ADGRL2: variants seen among roughly 807,000 people sequenced by gnomAD.
The protein encoded by ADGRL2 is adhesion G protein-coupled receptor L2, also known as calcium-independent alpha-latrotoxin receptor 2.
A neutral mutation model predicts 157.4 loss-of-function variants in ADGRL2; 44 were observed. That is an observed-to-expected ratio of 0.28 (90% CI 0.22 to 0.36). The LOEUF (loss-of-function observed/expected upper bound fraction) is 0.36, where lower values mean the gene tolerates loss of function less well. ADGRL2 is among the 10% of genes least tolerant of loss of function. The probability of loss-of-function intolerance (pLI) is 1.00; values close to 1 mark genes in which losing one functional copy is unlikely to be tolerated. For synonymous variants in ADGRL2, 585 were observed against 624.7 expected, an observed-to-expected ratio of 0.94 and a Z score of 0.95; for missense variants, 1,510 against 1,768.9, an observed-to-expected ratio of 0.85 and a Z score of 2.63.
rs148353745 is a variant in ADGRL2, at chr1:81,358,473, G to A, written c.-302+51964G>A. On this transcript the variant is annotated intron_variant, in intron 1 of 24. Coordinates refer to the ADGRL2 transcript ENST00000370721. ...TTTTGCTGTATTAAATTCAGTCTGA[G>A]CCCCTGAATAATCCCAATTCAAAAA... 5.3e-5 allele frequency among the ~76,000 whole-genome samples: 8 copies of A among 152,212 alleles called. No individual in the cohort carries two copies. The East Asian group carries it at 1.5e-3, about 29-fold the overall frequency.
At chr1:81,328,780 C>G (rs1661070815) in intron 1 of ADGRL2, among the ~76,000 whole-genome samples, 1 of 151,988 alleles carries the variant, frequency 6.6e-6, no homozygotes, top group African/African-American at 2.4e-5. Context: ...TAAGCTAGCT[C>G]TAGCCACCCC....
In ADGRL2 at chr1:81,838,399, A is replaced by G. The variant is rs1366716491; in HGVS notation, c.73+1342A>G. ...GTTACAATCTTTGGGTTAATATTTT[A>G]TTTTCAGATGACATTGCTCTTTGCT... On this transcript the variant is annotated intron_variant, in intron 2 of 23. Coordinates refer to ENST00000686636, the MANE Select transcript of ADGRL2 (RefSeq NM_001366006.2). Among the ~76,000 whole-genome samples the G allele has an allele frequency of 4.6e-5, 7 of 152,218 alleles. No individual in the cohort carries two copies. In the South Asian group the frequency reaches 1.2e-3, roughly 27 times the overall value.
At chr1:81,562,476 CTTT>C (rs894027132) in intron 2 of ADGRL2, among the ~76,000 whole-genome samples, 2 of 150,046 alleles carry the variant, frequency 1.3e-5, no homozygotes, top group African/African-American at 4.9e-5. Context: ...CTAATGCAAA[CTTT>C]TTTATGTGTC....
chr1:81,620,482 G>A (rs1474389976), intron 3 of ADGRL2, among the ~76,000 whole-genome samples: 1 of 152,140 alleles, frequency 6.6e-6, no homozygotes, highest in Non-Finnish European at 1.5e-5. Context: ...TAATTAGTGT[G>A]TACATGAATA....
At chr1:81,549,294 G>C (rs1178714014) in intron 2 of ADGRL2, among the ~76,000 whole-genome samples, 2 of 152,102 alleles carry the variant, frequency 1.3e-5, no homozygotes, top group Non-Finnish European at 2.9e-5. Flanking sequence ...TTGAAAATAT[G>C]GAAAAGAAAC....
intron 2 of ADGRL2, chr1:81,503,016 A>C: frequency 6.2e-7 from 1 of 1,613,024 alleles, no homozygotes; most frequent in Non-Finnish European, 8.5e-7. Context: ...TGACCTTGGC[A>C]AGCCAGCAGG....
intron 2 of ADGRL2, among the ~76,000 whole-genome samples, chr1:81,472,727 A>G (rs925847229): frequency 1.3e-5 from 2 of 152,216 alleles, no homozygotes; most frequent in African/African-American, 2.4e-5. Flanking sequence ...GTAAAATCCT[A>G]TATTTCCAAA....
At chr1:81,403,763 A>G (rs2076804400) in intron 1 of ADGRL2, among the ~76,000 whole-genome samples, 1 of 151,860 alleles carries the variant, frequency 6.6e-6, no homozygotes, top group South Asian at 2.1e-4. Flanking sequence ...CTAGGATGAC[A>G]GAGAGAGATG....
intron 1 of ADGRL2, among the ~76,000 whole-genome samples, chr1:81,358,294 A>G (rs1663462061): frequency 2.6e-5 from 4 of 152,188 alleles, no homozygotes; most frequent in Non-Finnish European, 2.9e-5. Flanking sequence ...ACATCATGTG[A>G]ATAAGGTGCA....
chr1:81,987,197 T>C, intron 22 of ADGRL2, 168 bp downstream of exon 22: 1 of 1,306,562 alleles, frequency 7.7e-7, no homozygotes, highest in East Asian at 2.5e-5. Context: ...AAAACTGCAC[T>C]ATATTATAGT....
intron 2 of ADGRL2, among the ~76,000 whole-genome samples, chr1:81,469,799 G>A (rs2078132821): frequency 6.6e-6 from 1 of 152,128 alleles, no homozygotes; most frequent in Non-Finnish European, 1.5e-5. Context: ...GCTACTGTCA[G>A]ACTTCTTGTC....
intron 3 of ADGRL2, among the ~76,000 whole-genome samples, chr1:81,589,473 C>T (rs2081090068): frequency 6.6e-6 from 1 of 152,138 alleles, no homozygotes; most frequent in South Asian, 2.1e-4. Context: ...GAACAATAAC[C>T]ACATATCTTG....
At position 81,575,309 on chromosome 1, in the gene ADGRL2, A is replaced by G. The variant is rs186352980; in HGVS notation, c.-247-5567A>G. ...TCTTCTAAGCTTAATAGGTCTTATT[A>G]ATGTGTAGTTCCAGTACACATTTTT... On this transcript the variant is annotated intron_variant, in intron 2 of 24. Transcript: ENST00000370721. Among the ~76,000 whole-genome samples, 322 of 152,318 alleles carry G rather than the reference A, an allele frequency of 2.1e-3. 1 individual carries two copies. The highest frequency in any genetic ancestry group is 3.6e-3 in the Non-Finnish European group (243 of 68,018).
At chr1:81,485,553 A>T (rs958140097) in intron 2 of ADGRL2, among the ~76,000 whole-genome samples, 1 of 152,168 alleles carries the variant, frequency 6.6e-6, no homozygotes, top group Non-Finnish European at 1.5e-5. Context: ...CCTTGGTTTA[A>T]TATACAATAC....
intron 2 of ADGRL2, among the ~76,000 whole-genome samples, chr1:81,569,967 G>A (rs1007232010): frequency 1.8e-4 from 28 of 152,086 alleles, no homozygotes; most frequent in African/African-American, 6.5e-4. Flanking sequence ...CCTAGCTGTT[G>A]GCAGAAAGCT....
chr1:81,356,578 T>G (rs1052436400), intron 1 of ADGRL2, among the ~76,000 whole-genome samples: 1 of 152,152 alleles, frequency 6.6e-6, no homozygotes, highest in African/African-American at 2.4e-5. Flanking sequence ...TGAAGTGATA[T>G]GTACTCAAGA....
intron 2 of ADGRL2, among the ~76,000 whole-genome samples, chr1:81,480,238 G>A (rs1457531203): frequency 1.3e-5 from 2 of 152,148 alleles, no homozygotes; most frequent in African/African-American, 2.4e-5. Context: ...ACTTTTCAGA[G>A]ACTGGTTTTA....
intron 2 of ADGRL2, among the ~76,000 whole-genome samples, chr1:81,520,934 T>C (rs960649056): frequency 2.0e-5 from 3 of 152,190 alleles, no homozygotes; most frequent in Admixed American, 6.5e-5. Context: ...CCAATACGGC[T>C]ACTTGATTTC....
intron 2 of ADGRL2, among the ~76,000 whole-genome samples, chr1:81,549,131 G>A (rs996898392): frequency 5.9e-5 from 9 of 152,188 alleles, no homozygotes; most frequent in Non-Finnish European, 1.2e-4. Flanking sequence ...GCACCAGGAT[G>A]TGGTTACAAA....
Sources: gnomAD v4.1 joint callset for allele counts (sites outside exome capture counted in the v4.1 genomes callset) on GRCh38, gnomAD v4.1.1 for gene constraint, MANE v1.5 for transcripts, NCBI Gene and HGNC (gene_info 2026-07-23, HGNC 2026-07-21) for gene names.